The following SCNN1D variants were observed in gnomAD, a reference collection of about 807,000 sequenced individuals.
The protein encoded by SCNN1D is sodium channel epithelial 1 subunit delta.
SCNN1D carries 104 observed loss-of-function variants against 87.8 expected under a neutral mutation model. The observed-to-expected ratio is 1.18, with a 90% CI of 1.01 to 1.39. SCNN1D has a LOEUF of 1.39. Among genes scored for constraint, SCNN1D ranks in the 40% most tolerant of loss-of-function variants. The pLI, the probability that SCNN1D is intolerant of heterozygous loss-of-function variation, is 0.00. For missense variants in SCNN1D, 1,324 were observed against 1,093.9 expected (o/e 1.21, Z -2.97); for synonymous variants, 628 against 481.2 (o/e 1.31, Z -3.99).
rs530466899 is a variant in SCNN1D, at chr1:1,290,999, C to T, written c.1976+46C>T. The T allele has an allele frequency of 3.5e-4, 549 of 1,591,212 alleles. 12 individuals carry two copies. The South Asian group carries it at 5.3e-3, about 15-fold the overall frequency. On this transcript the variant is annotated intron_variant, in intron 16 of 17. Coordinates refer to ENST00000379116, the MANE Select transcript of SCNN1D (RefSeq NM_001130413.4). ...CAGAGAGGCATCACAGCCCCTCTCC[C>T]CTCAAAGCCCCCCTCCCCATCATGA...
At chr1:1,291,033 G>A in intron 16 of SCNN1D, 32 bp from the exon 17 acceptor site, 1 of 1,606,610 alleles carries the variant, frequency 6.2e-7, no homozygotes. Flanking sequence ...GAAGGTCTGG[G>A]CCAGCGCCCT....
At position 1,287,293 on chromosome 1, in the gene SCNN1D, A is replaced by C. The variant is rs758094741; in HGVS notation, c.1304A>C (p.Gln435Pro). The change falls in exon 9 of 18, where the codon CAG becomes CCG. Residue 435 changes from glutamine to proline, a missense_variant. Gln to Pro is a moderately conservative substitution (Grantham distance 76). Transcript: ENST00000379116. The stretch of plus-strand genomic sequence containing the variant: ...TGCAGTTACGATGGCCTGGACTGCC[A>C]GGCCCGGTGAGTGTGGCGGGCGGGG... ...LSCSYDGLDCQARQFRTFHHP... is the reference protein window; with the variant it reads ...LSCSYDGLDCPARQFRTFHHP... 3.1e-6 allele frequency: 5 copies of C among 1,589,846 alleles called. No homozygotes were observed. Among genetic ancestry groups the C allele is most frequent in the Admixed American group, 1.7e-5 (1 of 58,538 alleles).
At position 1,290,932 on chromosome 1, in the gene SCNN1D, C is replaced by T. The variant is rs150282282; in HGVS notation, c.1955C>T (p.Pro652Leu). Residue 652 changes from proline (P) to leucine (L), a missense_variant, in exon 16 of 18, where the codon CCG becomes CTG. Physicochemically the swap from Pro to Leu is moderately conservative, Grantham distance 98. Transcript: ENST00000379116. ...TLATLGEQGL[P>L]HQSHRQRSSL... ...GCCACGCTAGGTGAACAGGGGCTGC[C>T]GCATCAGAGCCACAGACAGAGGTGG... 343 of 1,610,004 alleles carry T rather than the reference C, an allele frequency of 2.1e-4. No individual in the cohort carries two copies. The African/African-American group carries it at 3.7e-3, about 18-fold the overall frequency.
At chr1:1,283,122 G>A (rs1408029588) in intron 4 of SCNN1D, among the ~76,000 whole-genome samples, 1 of 152,176 alleles carries the variant, frequency 6.6e-6, no homozygotes, top group Non-Finnish European at 1.5e-5. Context: ...AAGTCTTAGT[G>A]TGTGGCGCGT....
intron 7 of SCNN1D, 107 bp downstream of exon 7, chr1:1,286,385 T>C: frequency 1.1e-6 from 1 of 922,586 alleles, no homozygotes; most frequent in Non-Finnish European, 1.6e-6. Flanking sequence ...GAGGGGGCTC[T>C]GTGTGGTCAA....
intron 3 of SCNN1D, chr1:1,281,895 C>G: frequency 1.8e-6 from 1 of 567,398 alleles, no homozygotes; most frequent in Non-Finnish European, 3.1e-6. Context: ...AGGCCACTCC[C>G]GGGGACACAG....
intron 3 of SCNN1D, 21 bp downstream of exon 3, chr1:1,281,631 A>C (rs1262894): frequency 0.1 from 154,270 of 1,530,140 alleles, 12,062 homozygotes; most frequent in African/African-American, 0.4. Context: ...CTCAGCCCTT[A>C]GAGGCCTTGC....
chr1:1,285,409 T>C (rs1640566738), intron 5 of SCNN1D, among the ~76,000 whole-genome samples, 162 bp from the exon 6 acceptor site: 1 of 152,216 alleles, frequency 6.6e-6, no homozygotes, highest in Non-Finnish European at 1.5e-5. Context: ...GCCAGACGCT[T>C]CCTGGACTTG....
At chr1:1,282,774 A>T (rs1214956220) in intron 4 of SCNN1D, among the ~76,000 whole-genome samples, 3 of 146,148 alleles carry the variant, frequency 2.1e-5, no homozygotes, top group Non-Finnish European at 3.0e-5. Context: ...TTTTTTTGAG[A>T]CGGAGTCTTG....
chr1:1,280,555 G>A lies in SCNN1D; in HGVS notation c.-107G>A, dbSNP rs1172976899. 4.5e-6 allele frequency: 3 copies of A among 663,664 alleles called. No individual in the cohort carries two copies. Among genetic ancestry groups the A allele is most frequent in the African/African-American group, 1.8e-5 (1 of 56,516 alleles). The allele number at this position is 663,664 out of a possible 1,614,324, so 41.1% of individuals were successfully genotyped here. A position where few individuals can be genotyped will look rare whatever the true frequency, so the allele number is the denominator to read the frequency against. Reference sequence around the variant, plus strand: ...AGATGAAGGTCTTATCGCAGATGAAGCCACCAGGTCACAAGCCTCAGAGAG... The same window carrying A: ...AGATGAAGGTCTTATCGCAGATGAAACCACCAGGTCACAAGCCTCAGAGAG... On this transcript the variant is annotated 5_prime_UTR_variant, in exon 1 of 18. Coordinates refer to ENST00000379116, the MANE Select transcript of SCNN1D (RefSeq NM_001130413.4).
At chr1:1,290,829 C>T (rs1377894798) in intron 15 of SCNN1D, 66 bp from the exon 16 acceptor site, 22 of 1,590,380 alleles carry the variant, frequency 1.4e-5, no homozygotes, top group Non-Finnish European at 1.7e-5. Flanking sequence ...CCCACATCCG[C>T]CCGTGGTACC....
Position 1,290,946 on chromosome 1 carries a change from A to G in SCNN1D, c.1969A>G (p.Arg657Gly). Residue 657 changes from arginine to glycine, a missense_variant, in exon 16 of 18, where the codon AGA becomes GGA. Transcript: ENST00000379116. ...ACAGGGGCTGCCGCATCAGAGCCACAGACAGAGGTGGGTGCACCCTCCCCC... is the reference window on the plus strand; with the variant it reads ...ACAGGGGCTGCCGCATCAGAGCCACGGACAGAGGTGGGTGCACCCTCCCCC... ...GEQGLPHQSHRQRSSLAKINI... is the reference protein window; with the variant it reads ...GEQGLPHQSHGQRSSLAKINI... 3 of 1,609,096 alleles carry G rather than the reference A, an allele frequency of 1.9e-6. No individual in the cohort carries two copies. The highest frequency in any genetic ancestry group is 2.2e-5 in the South Asian group (2 of 90,432).
In SCNN1D at chr1:1,281,443, C is replaced by A. The variant is rs867461244; in HGVS notation, c.110C>A (p.Thr37Asn). Reference sequence around the variant, plus strand: ...TGGTCATGGTGCAGTGACCACAGGACCCCCACATGCCGGGAGCTGGGTTCG... The same window carrying A: ...TGGTCATGGTGCAGTGACCACAGGAACCCCACATGCCGGGAGCTGGGTTCG... Reference protein sequence around the residue: ...LTWSWCSDHRTPTCRELGSPH... With the variant: ...LTWSWCSDHRNPTCRELGSPH... The change falls in exon 3 of 18, where the codon ACC becomes AAC. Residue 37 changes from threonine to asparagine, a missense_variant. By Grantham distance (65) the Thr-to-Asn change is moderately conservative (BLOSUM62 0). Coordinates refer to ENST00000379116, the MANE Select transcript of SCNN1D (RefSeq NM_001130413.4). The A allele has an allele frequency of 1.3e-6, 2 of 1,519,104 alleles. No individual in the cohort carries two copies. The highest frequency in any genetic ancestry group is 1.8e-6 in the Non-Finnish European group (2 of 1,137,744). 94.1% of individuals were successfully genotyped at this position (1,519,104 alleles called of 1,614,324 possible). A position where few individuals can be genotyped will look rare whatever the true frequency, so the allele number is the denominator to read the frequency against.
Position 1,285,966 on chromosome 1 carries a change from C to T in SCNN1D, c.599C>T (p.Ala200Val), listed in dbSNP as rs1640579469. The change falls in exon 7 of 18, where the codon GCA becomes GTA. Residue 200 changes from alanine (A) to valine (V), a missense_variant. Ala to Val is a moderately conservative substitution (Grantham distance 64, BLOSUM62 0). Coordinates refer to ENST00000379116, the MANE Select transcript of SCNN1D (RefSeq NM_001130413.4). ...QTPPRPGPPS[A>V]PPPPPKEGHQ... ...CCCCCCAGGCCGGGGCCACCATCAG[C>T]ACCACCACCACCACCCAAGGAGGGG... 1.3e-6 allele frequency: 2 copies of T among 1,551,714 alleles called. No individual in the cohort carries two copies. The highest frequency in any genetic ancestry group is 1.4e-5 in the African/African-American group (1 of 73,278).
chr1:1,289,996 T>C (rs866013031), intron 12 of SCNN1D, among the ~76,000 whole-genome samples: 8 of 33,100 alleles, frequency 2.4e-4, no homozygotes, highest in Non-Finnish European at 2.9e-4. Flanking sequence ...GTGTCCCTGC[T>C]CCGTCCCGTG....
chr1:1,288,363 C>T (rs1408239728), intron 12 of SCNN1D, among the ~76,000 whole-genome samples: 4 of 48,796 alleles, frequency 8.2e-5, no homozygotes, highest in Admixed American at 2.4e-4. Flanking sequence ...GTCTCTGCTC[C>T]GTCCCGTGTC....
chr1:1,290,621 C>T lies in SCNN1D; in HGVS notation c.1860-16C>T, dbSNP rs746065985. On this transcript the variant is annotated splice_polypyrimidine_tract_variant and intron_variant, in intron 14 of 17. Transcript: ENST00000379116. Reference sequence around the variant, plus strand: ...CCCAGGTAGCGTGGCAGGTGACACCCGGCTGTCTCTTCCAGGGAGTCTGCA... The same window carrying T: ...CCCAGGTAGCGTGGCAGGTGACACCTGGCTGTCTCTTCCAGGGAGTCTGCA... 6.3e-5 allele frequency: 102 copies of T among 1,612,472 alleles called. No homozygotes were observed. Among genetic ancestry groups the T allele is most frequent in the South Asian group, 1.5e-4 (14 of 91,094 alleles).
intron 9 of SCNN1D, 39 bp downstream of exon 9, chr1:1,287,338 C>A (rs943680526): frequency 1.2e-5 from 18 of 1,530,356 alleles, no homozygotes; most frequent in Non-Finnish European, 1.6e-5. Context: ...TCCGTCCCAC[C>A]CCACAGAGCG....
intron 4 of SCNN1D, 46 bp from the exon 5 acceptor site, chr1:1,283,932 C>A: frequency 3.3e-6 from 4 of 1,213,282 alleles, no homozygotes; most frequent in Non-Finnish European, 4.4e-6. Flanking sequence ...TGGGTCCTCC[C>A]TCGCCTGCAG....
Sources: allele counts gnomAD v4.1 joint callset (sites outside exome capture counted in the v4.1 genomes callset), GRCh38; gene constraint gnomAD v4.1.1; transcripts MANE v1.5; gene names NCBI Gene and HGNC (gene_info 2026-07-23, HGNC 2026-07-21).